The following EDA variants were observed in gnomAD, a reference collection of about 807,000 sequenced individuals.
The protein encoded by EDA is ectodysplasin A, also known as ectodysplasin-A.
A neutral mutation model predicts 23.6 loss-of-function variants in EDA; 2 were observed. The ratio of observed to expected loss-of-function variants is 0.08; its 90% CI spans 0.03 to 0.27. EDA has a LOEUF of 0.27. EDA is among the 10% of genes least tolerant of loss of function. The probability of loss-of-function intolerance (pLI) is 1.00; values close to 1 mark genes in which losing one functional copy is unlikely to be tolerated. For missense variants in EDA, 229 were observed against 324.2 expected, an observed-to-expected ratio of 0.71 and a Z score of 2.26; for synonymous variants, 131 against 132.0, an observed-to-expected ratio of 0.99 and a Z score of 0.05.
chrX:69,834,310 A>C (rs935041149), intron 1 of EDA, among the ~76,000 whole-genome samples: 2 of 110,615 alleles, frequency 1.8e-5, no homozygotes, highest in Non-Finnish European at 3.8e-5. Flanking sequence ...GGGGTGTTAA[A>C]GTCTCCCATT....
intron 5 of EDA, 150 bp downstream of exon 5, chrX:70,029,688 T>C: frequency 1.7e-6 from 1 of 605,674 alleles, no homozygotes; most frequent in Non-Finnish European, 2.7e-6. Flanking sequence ...CCCCCTCCCA[T>C]CTCTATGAAT....
At chrX:69,758,876 C>A (rs947644790) in intron 1 of EDA, among the ~76,000 whole-genome samples, 2 of 111,820 alleles carry the variant, frequency 1.8e-5, no homozygotes, top group African/African-American at 6.5e-5. Flanking sequence ...ACAAAAAACC[C>A]AGATGGAGAT....
chrX:69,750,344 G>A (rs1326500897), intron 1 of EDA, among the ~76,000 whole-genome samples: 5 of 108,627 alleles, frequency 4.6e-5, no homozygotes, highest in East Asian at 5.8e-4. Context: ...CCTACAAAGG[G>A]CAGGAACTCA....
chrX:69,947,362 G>T (rs2018848252), intron 1 of EDA, among the ~76,000 whole-genome samples: 1 of 112,264 alleles, frequency 8.9e-6, no homozygotes, highest in Non-Finnish European at 1.9e-5. Context: ...GTCACTGGAT[G>T]TATTTCTGTG....
At chrX:69,903,804 G>A (rs1370211241) in intron 1 of EDA, among the ~76,000 whole-genome samples, 1 of 109,633 alleles carries the variant, frequency 9.1e-6, no homozygotes, top group Non-Finnish European at 1.9e-5. Flanking sequence ...TATGTATGGG[G>A]TACATGTGAT....
intron 1 of EDA, among the ~76,000 whole-genome samples, chrX:69,649,418 T>C (rs769368824): frequency 1.7e-4 from 19 of 111,698 alleles, no homozygotes; most frequent in Admixed American, 5.7e-4. Flanking sequence ...ATCTGGGGAT[T>C]AGATACTGGG....
chrX:69,906,198 A>G (rs989825039), intron 1 of EDA, among the ~76,000 whole-genome samples: 1 of 112,559 alleles, frequency 8.9e-6, no homozygotes, highest in Admixed American at 9.4e-5. Context: ...GTCATTTCTG[A>G]CAAAATCTTT....
intron 1 of EDA, among the ~76,000 whole-genome samples, chrX:69,735,459 TG>T (rs763956775): frequency 1.5e-3 from 170 of 112,035 alleles, no homozygotes; most frequent in African/African-American, 5.3e-3. Context: ...TTTAATTGTT[TG>T]TTTTCTGATT....
intron 1 of EDA, among the ~76,000 whole-genome samples, chrX:69,730,592 A>C (rs2012985159): frequency 9.0e-6 from 1 of 111,705 alleles, no homozygotes; most frequent in South Asian, 3.7e-4. Flanking sequence ...CTGAGGCCTC[A>C]TTTGACTCCA....
At chrX:69,884,683 T>C (rs5936789) in intron 1 of EDA, among the ~76,000 whole-genome samples, 23,679 of 111,435 alleles carry the variant, frequency 0.21, 1,916 homozygotes, top group African/African-American at 0.25. Context: ...TATTTTGTTG[T>C]ATGGATATAC....
chrX:70,001,084 C>T (rs764220185), intron 2 of EDA, among the ~76,000 whole-genome samples: 2 of 111,762 alleles, frequency 1.8e-5, no homozygotes, highest in South Asian at 7.6e-4. Context: ...CCAGAAGAAT[C>T]CAGGTAGTAT....
intron 1 of EDA, among the ~76,000 whole-genome samples, chrX:69,740,062 C>T (rs2013403034): frequency 1.8e-5 from 2 of 111,214 alleles, no homozygotes; most frequent in African/African-American, 6.5e-5. Flanking sequence ...AGCTTGTTCT[C>T]ACCCACCTGT....
chrX:69,798,284 T>C (rs1231806341), intron 1 of EDA, among the ~76,000 whole-genome samples: 1 of 111,261 alleles, frequency 9.0e-6, no homozygotes, highest in Non-Finnish European at 1.9e-5. Context: ...CAAAAAAACA[T>C]TGGATTTAAA....
At chrX:69,698,270 G>C (rs1056456741) in intron 1 of EDA, among the ~76,000 whole-genome samples, 4 of 111,544 alleles carry the variant, frequency 3.6e-5, no homozygotes, top group Non-Finnish European at 7.5e-5. Context: ...GTATCCTTGC[G>C]GGGTGAGCTT....
chrX:69,626,768 A>T (rs1260197687), intron 1 of EDA, among the ~76,000 whole-genome samples: 1 of 112,077 alleles, frequency 8.9e-6, no homozygotes, highest in Non-Finnish European at 1.9e-5. Flanking sequence ...TGCAAGAGAT[A>T]TCATGAAGTT....
chrX:69,829,499 T>C (rs1162850869), intron 1 of EDA, among the ~76,000 whole-genome samples: 1 of 112,586 alleles, frequency 8.9e-6, no homozygotes, highest in Non-Finnish European at 1.9e-5. Flanking sequence ...AAAAATGTTG[T>C]TGTAATTAAA....
chrX:69,864,056 T>G (rs919567281), intron 1 of EDA, among the ~76,000 whole-genome samples: 4 of 111,569 alleles, frequency 3.6e-5, no homozygotes, highest in African/African-American at 1.3e-4. Flanking sequence ...TTAATTGCTC[T>G]CTCTCTCTCT....
intron 2 of EDA, among the ~76,000 whole-genome samples, chrX:69,974,979 G>A (rs890232735): frequency 8.9e-6 from 1 of 111,990 alleles, no homozygotes; most frequent in Non-Finnish European, 1.9e-5. Flanking sequence ...TGCTAGTGAG[G>A]TTGTGGAGAA....
intron 1 of EDA, among the ~76,000 whole-genome samples, chrX:69,845,584 C>T (rs2016990584): frequency 8.9e-6 from 1 of 112,030 alleles, no homozygotes; most frequent in African/African-American, 3.2e-5. Flanking sequence ...AGTTATGAAA[C>T]TCTTTTTTGG....
Sources: gnomAD v4.1 joint callset for allele counts (sites outside exome capture counted in the v4.1 genomes callset) on GRCh38, gnomAD v4.1.1 for gene constraint, MANE v1.5 for transcripts, NCBI Gene and HGNC (gene_info 2026-07-23, HGNC 2026-07-21) for gene names.